Variants in PTK2B observed in about 807,000 individuals in gnomAD.
PTK2B encodes the protein protein-tyrosine kinase 2-beta.
A neutral mutation model predicts 142.9 loss-of-function variants in PTK2B; 71 were observed. That is an observed-to-expected ratio of 0.50 (90% CI 0.41 to 0.61). PTK2B has a LOEUF of 0.61. PTK2B is among the 20% of genes least tolerant of loss of function. The pLI is 0.00. For missense variants in PTK2B, 1,105 were observed against 1,320.4 expected (o/e 0.84, Z 2.53); for synonymous variants, 519 against 503.4 (o/e 1.03, Z -0.42).
chr8:27,458,632 C>T lies in PTK2B; in HGVS notation c.*123C>T. ...CAAGGGGAGTCACCTTCCCTTGCCA[C>T]TTTGCACGACGCCCTCTCCCCACCC... On this transcript the variant is annotated 3_prime_UTR_variant, in exon 31 of 31. Coordinates refer to ENST00000346049, the MANE Select transcript of PTK2B (RefSeq NM_173176.3). The T allele has an allele frequency of 1.0e-6, 1 of 987,914 alleles. No homozygotes were observed. Among genetic ancestry groups the T allele is most frequent in the Admixed American group, 2.2e-5 (1 of 45,498 alleles). The allele number at this position is 987,914 out of a possible 1,614,324, so 61.2% of individuals were successfully genotyped here.
chr8:27,315,064 C>A (rs1308651520), intron 3 of PTK2B, among the ~76,000 whole-genome samples: 1 of 152,220 alleles, frequency 6.6e-6, no homozygotes, highest in Non-Finnish European at 1.5e-5. Flanking sequence ...AGGGTAAAAT[C>A]TCAGACCTTT....
intron 2 of PTK2B, among the ~76,000 whole-genome samples, chr8:27,402,164 A>G (rs191132541): frequency 2.0e-5 from 3 of 152,324 alleles, no homozygotes; most frequent in Non-Finnish European, 4.4e-5. Flanking sequence ...ACCGTGATCA[A>G]TGGAGAGAAG....
intron 3 of PTK2B, among the ~76,000 whole-genome samples, chr8:27,318,722 C>T (rs995538767): frequency 6.6e-6 from 1 of 152,184 alleles, no homozygotes; most frequent in Non-Finnish European, 1.5e-5. Flanking sequence ...ATGACCTCGG[C>T]TCACTGCAAC....
At chr8:27,322,665 A>G (rs183175648), upstream of PTK2B, 1 of 152,234 alleles carries the variant, frequency 6.6e-6, no homozygotes, top group Non-Finnish European at 1.5e-5. Context: ...CTACTTTTCT[A>G]GATTAGGAAA....
rs1183411377 is a variant in PTK2B, at chr8:27,439,018, G to A, written c.1644-13G>A. 3 of 1,608,018 alleles carry A rather than the reference G, an allele frequency of 1.9e-6. No individual in the cohort carries two copies. The Admixed American group carries it at 5.0e-5, about 27-fold the overall frequency. ...GGCAGTGCCTCATCCTGGTCTTGAT[G>A]CCCTTCTTCCAGGGACATTGCTGTC... On this transcript the variant is annotated splice_polypyrimidine_tract_variant and intron_variant, in intron 18 of 30. Coordinates refer to ENST00000346049, the MANE Select transcript of PTK2B (RefSeq NM_173176.3).
intron 10 of PTK2B, 99 bp from the exon 11 acceptor site, chr8:27,433,336 A>C: frequency 9.8e-7 from 1 of 1,016,650 alleles, no homozygotes; most frequent in Non-Finnish European, 1.5e-6. Flanking sequence ...CATCCAGGCA[A>C]GGGTTGTGGC....
intron 1 of PTK2B, among the ~76,000 whole-genome samples, chr8:27,358,293 A>G (rs1412061706): frequency 6.6e-6 from 1 of 152,214 alleles, no homozygotes; most frequent in Non-Finnish European, 1.5e-5. Flanking sequence ...AAATGAAACC[A>G]TGAAGAAGAA....
At chr8:27,311,337 C>T, upstream of PTK2B, 1 of 1,356,228 alleles carries the variant, frequency 7.4e-7, no homozygotes, top group Non-Finnish European at 9.7e-7. Flanking sequence ...TCGCCCAGTC[C>T]CTTCCCCTGG....
intron 15 of PTK2B, 41 bp from the exon 16 acceptor site, chr8:27,437,081 C>G (rs771217877): frequency 2.7e-5 from 42 of 1,581,682 alleles, no homozygotes; most frequent in Non-Finnish European, 3.6e-5. Context: ...CTGCTGAGCA[C>G]TGGGCTGGAC....
chr8:27,453,755 C>T (rs139091990), intron 28 of PTK2B, among the ~76,000 whole-genome samples: 43 of 152,184 alleles, frequency 2.8e-4, no homozygotes, highest in African/African-American at 8.2e-4. Context: ...CTTGGTGGCA[C>T]GCCTGCTACT....
chr8:27,337,966 T>A (rs1324075137), intron 1 of PTK2B, among the ~76,000 whole-genome samples: 1 of 152,208 alleles, frequency 6.6e-6, no homozygotes, highest in African/African-American at 2.4e-5. Flanking sequence ...AGCTGCCTCA[T>A]TTTTTATTCC....
At chr8:27,408,980 G>A (rs1366388621) in intron 2 of PTK2B, among the ~76,000 whole-genome samples, 3 of 152,140 alleles carry the variant, frequency 2.0e-5, no homozygotes, top group African/African-American at 4.8e-5. Context: ...TCCCTGGCTG[G>A]TGATTCGCCA....
intron 1 of PTK2B, among the ~76,000 whole-genome samples, chr8:27,312,105 G>T (rs1802989653): frequency 6.6e-6 from 1 of 152,196 alleles, no homozygotes; most frequent in Non-Finnish European, 1.5e-5. Flanking sequence ...TTCTTGCCAG[G>T]TACAGTAGGC....
At chr8:27,313,852 T>G (rs1395512471) in intron 3 of PTK2B, among the ~76,000 whole-genome samples, 2 of 152,242 alleles carry the variant, frequency 1.3e-5, no homozygotes, top group Non-Finnish European at 2.9e-5. Context: ...TGCTTTAATA[T>G]CAATTAACAT....
At chr8:27,366,810 G>A (rs1806044928) in intron 1 of PTK2B, among the ~76,000 whole-genome samples, 1 of 152,136 alleles carries the variant, frequency 6.6e-6, no homozygotes, top group African/African-American at 2.4e-5. Context: ...GTGTGGCTGT[G>A]TGTGGAGAGC....
At position 27,450,778 on chromosome 8, in the gene PTK2B, A is replaced by G. The variant is rs971145639; in HGVS notation, c.2370A>G (p.Arg790=). The change falls in exon 25 of 31, where the codon CGA becomes CGG. Residue 790 remains arginine, a synonymous_variant. Coordinates refer to ENST00000346049, the MANE Select transcript of PTK2B (RefSeq NM_173176.3). ...REEDFIQPSS[R]EEAQQLWEAE... The stretch of plus-strand genomic sequence containing the variant: ...AGGACTTCATCCAACCCAGCAGCCG[A>G]GAAGAGGCCCAGCAGCTGTGGGAGG... The G allele has an allele frequency of 6.2e-7, 1 of 1,614,138 alleles. No individual in the cohort carries two copies. Among genetic ancestry groups the G allele is most frequent in the East Asian group, 2.2e-5 (1 of 44,872 alleles).
chr8:27,371,479 ATTG>A (rs1343596152), intron 1 of PTK2B, among the ~76,000 whole-genome samples: 2 of 151,718 alleles, frequency 1.3e-5, no homozygotes, highest in Admixed American at 6.6e-5. Flanking sequence ...CTGGTTATTT[ATTG>A]TTCTTGAGAT....
intron 15 of PTK2B, among the ~76,000 whole-genome samples, chr8:27,436,822 C>T (rs1034191700): frequency 1.3e-5 from 2 of 152,188 alleles, no homozygotes; most frequent in African/African-American, 4.8e-5. Flanking sequence ...TAATGGCTTG[C>T]AGGTGCCTCT....
At chr8:27,435,324 C>G (rs928758555) in intron 13 of PTK2B, among the ~76,000 whole-genome samples, 21 of 152,224 alleles carry the variant, frequency 1.4e-4, no homozygotes, top group African/African-American at 5.1e-4. Context: ...TGCACCACCT[C>G]CCAAAGGCCC....
Sources: allele counts gnomAD v4.1 joint callset (sites outside exome capture counted in the v4.1 genomes callset), GRCh38; gene constraint gnomAD v4.1.1; transcripts MANE v1.5; gene names NCBI Gene and HGNC (gene_info 2026-07-23, HGNC 2026-07-21).